CADM2: variants seen among roughly 807,000 people sequenced by gnomAD.
The protein encoded by CADM2 is immunoglobulin superfamily member 4D.
Under a neutral mutation model 49.8 loss-of-function variants are expected in CADM2, and 12 were observed. The observed-to-expected ratio is 0.24, with a 90% CI of 0.15 to 0.39. The LOEUF (loss-of-function observed/expected upper bound fraction) is 0.39. CADM2 is among the 10% of genes least tolerant of loss of function. The pLI, the probability that CADM2 is intolerant of heterozygous loss-of-function variation, is 1.00. For synonymous variants in CADM2, 214 were observed against 175.4 expected (o/e 1.22, Z -1.74); for missense variants, 378 against 492.3 (o/e 0.77, Z 2.20).
intron 3 of CADM2, among the ~76,000 whole-genome samples, chr3:85,882,321 G>T (rs1334501169): frequency 6.6e-6 from 1 of 152,066 alleles, no homozygotes; most frequent in African/African-American, 2.4e-5. Flanking sequence ...CATTCTCCTT[G>T]CAGGTAACCC....
At chr3:85,314,172 G>A (rs960362398) in intron 1 of CADM2, among the ~76,000 whole-genome samples, 1 of 152,200 alleles carries the variant, frequency 6.6e-6, no homozygotes, top group African/African-American at 2.4e-5. Flanking sequence ...ACAGGCGTGA[G>A]CCACCGCGCC....
chr3:85,423,164 C>T (rs1330239187), intron 1 of CADM2, among the ~76,000 whole-genome samples: 1 of 152,052 alleles, frequency 6.6e-6, no homozygotes, highest in Non-Finnish European at 1.5e-5. Context: ...CAGACAAACT[C>T]CTCTTGATGT....
chr3:85,786,309 G>C (rs769457468), intron 2 of CADM2, among the ~76,000 whole-genome samples: 6 of 152,040 alleles, frequency 3.9e-5, no homozygotes, highest in Non-Finnish European at 7.4e-5. Context: ...TTTATCAGAA[G>C]TATAATTTCT....
intron 8 of CADM2, among the ~76,000 whole-genome samples, chr3:85,995,768 G>A (rs952837462): frequency 6.6e-6 from 1 of 152,082 alleles, no homozygotes; most frequent in Non-Finnish European, 1.5e-5. Context: ...ACAAGACTCA[G>A]AAGAGATGGA....
intron 1 of CADM2, among the ~76,000 whole-genome samples, 160 bp downstream of exon 1, chr3:84,959,828 G>T (rs2030282179): frequency 6.6e-6 from 1 of 151,372 alleles, no homozygotes; most frequent in Non-Finnish European, 1.5e-5. Context: ...GTGGCAGTTT[G>T]CACCAGCCCC....
intron 8 of CADM2, among the ~76,000 whole-genome samples, chr3:86,036,196 C>CTTAATATAGA: frequency 6.6e-6 from 1 of 152,000 alleles, no homozygotes; most frequent in Non-Finnish European, 1.5e-5. Flanking sequence ...AAGTCTATGC[C>CTTAATATAGA]CACAGGAGAA....
intron 1 of CADM2, among the ~76,000 whole-genome samples, chr3:85,504,508 G>C (rs895948983): frequency 6.6e-6 from 1 of 152,296 alleles, no homozygotes; most frequent in East Asian, 1.9e-4. Flanking sequence ...TGGTAGAGCC[G>C]AGTGGTCTGT....
At chr3:85,308,674 T>C (rs2044273793) in intron 1 of CADM2, among the ~76,000 whole-genome samples, 1 of 152,010 alleles carries the variant, frequency 6.6e-6, no homozygotes, top group African/African-American at 2.4e-5. Flanking sequence ...TTGCAGTGTA[T>C]GAAGACAGAG....
At chr3:85,058,277 T>A (rs1226189495) in intron 1 of CADM2, among the ~76,000 whole-genome samples, 2 of 152,118 alleles carry the variant, frequency 1.3e-5, no homozygotes, top group African/African-American at 4.8e-5. Context: ...TCTTCCTAGT[T>A]CAAGAAAATG....
chr3:85,375,070 A>G (rs2033506845), intron 1 of CADM2, among the ~76,000 whole-genome samples: 1 of 152,224 alleles, frequency 6.6e-6, no homozygotes, highest in African/African-American at 2.4e-5. Context: ...ACTGTGTGTC[A>G]GTTACAGATT....
intron 1 of CADM2, among the ~76,000 whole-genome samples, chr3:85,307,786 A>C (rs1052551157): frequency 6.6e-6 from 1 of 151,750 alleles, no homozygotes; most frequent in African/African-American, 2.4e-5. Flanking sequence ...AATGCTGATT[A>C]TTGAGCTCAA....
At chr3:85,427,019 G>A (rs1445170535) in intron 1 of CADM2, among the ~76,000 whole-genome samples, 1 of 151,556 alleles carries the variant, frequency 6.6e-6, no homozygotes, top group Non-Finnish European at 1.5e-5. Context: ...TTATTTCTAA[G>A]AGGAAAAGGA....
intron 1 of CADM2, among the ~76,000 whole-genome samples, chr3:84,988,775 C>G (rs955987098): frequency 6.6e-6 from 1 of 152,094 alleles, no homozygotes; most frequent in Non-Finnish European, 1.5e-5. Context: ...AACTTAGCAG[C>G]CTTTTCCCAT....
At chr3:85,433,558 T>C (rs2107527090) in intron 1 of CADM2, among the ~76,000 whole-genome samples, 1 of 152,192 alleles carries the variant, frequency 6.6e-6, no homozygotes, top group East Asian at 1.9e-4. Flanking sequence ...GAAGTAGGGG[T>C]TATTGAACCC....
At chr3:85,055,055 A>C (rs2036028818) in intron 1 of CADM2, among the ~76,000 whole-genome samples, 1 of 151,998 alleles carries the variant, frequency 6.6e-6, no homozygotes, top group Admixed American at 6.6e-5. Context: ...AAGTGTTTTA[A>C]ACTATTGAAT....
chr3:85,593,239 C>A (rs2063154577), intron 1 of CADM2, among the ~76,000 whole-genome samples: 1 of 151,796 alleles, frequency 6.6e-6, no homozygotes, highest in Non-Finnish European at 1.5e-5. Flanking sequence ...AGGTTTGTTA[C>A]ATATGTATAC....
At chr3:85,804,939 C>A (rs576952840) in intron 3 of CADM2, among the ~76,000 whole-genome samples, 1 of 152,104 alleles carries the variant, frequency 6.6e-6, no homozygotes, top group Non-Finnish European at 1.5e-5. Context: ...TTGAAGTATG[C>A]ACTTTTTTTT....
chr3:85,201,428 TA>T (rs2041496608), intron 1 of CADM2, among the ~76,000 whole-genome samples: 1 of 152,212 alleles, frequency 6.6e-6, no homozygotes, highest in South Asian at 2.1e-4. Context: ...TATCAAGTTA[TA>T]ATATTTTGGC....
chr3:85,679,171 A>G (rs1337717408), intron 1 of CADM2, among the ~76,000 whole-genome samples: 1 of 152,210 alleles, frequency 6.6e-6, no homozygotes, highest in African/African-American at 2.4e-5. Context: ...CCATGAAAAA[A>G]TAAAACTGGA....
Sources: gnomAD v4.1 joint callset for allele counts (sites outside exome capture counted in the v4.1 genomes callset) on GRCh38, gnomAD v4.1.1 for gene constraint, MANE v1.5 for transcripts, NCBI Gene and HGNC (gene_info 2026-07-23, HGNC 2026-07-21) for gene names.